SPOCD1: variants seen among roughly 807,000 people sequenced by gnomAD.
The protein encoded by SPOCD1 is SPOC domain-containing protein 1.
In SPOCD1, 64 loss-of-function variants were observed where a neutral mutation model predicts 92.2. That is an observed-to-expected ratio of 0.69 (90% CI 0.57 to 0.86). SPOCD1 has a LOEUF of 0.86. Ranked by LOEUF, SPOCD1 falls within the 40% of genes least tolerant of loss-of-function variation. The pLI, the probability that SPOCD1 is intolerant of heterozygous loss-of-function variation, is 0.00. For synonymous variants in SPOCD1, 578 were observed against 619.3 expected, an observed-to-expected ratio of 0.93 and a Z score of 0.99; for missense variants, 1,360 against 1,543.1, an observed-to-expected ratio of 0.88 and a Z score of 1.99.
rs1649372908 is a variant in SPOCD1 at position 31,814,051 on chromosome 1, C to A, written c.1283G>T (p.Gly428Val). ...RSKGTKNLKK[G>V]PVPCAQDRGT... ...CCGGTCTTGGGCACAGGGCACTGGA[C>A]CTTTCTTCAGGTTCTTAGTGCCCTT... Residue 428 changes from glycine (G) to valine (V), a missense_variant, in exon 2 of 16, where the codon GGT becomes GTT. Transcript: ENST00000360482. This position sits in a 1 kb window ranked among gnomAD's most constrained non-coding sequence, Gnocchi z 4.2. 2.5e-6 allele frequency: 4 copies of A among 1,613,526 alleles called. No individual in the cohort carries two copies. The highest frequency in any genetic ancestry group is 1.7e-5 in the Admixed American group (1 of 59,978).
In SPOCD1 at chr1:31,796,663, G is replaced by A. The variant is rs1557819021; in HGVS notation, c.2198C>T (p.Ser733Phe). Residue 733 changes from serine to phenylalanine, a missense_variant, in exon 10 of 16, where the codon TCC (serine) becomes TTC (phenylalanine). Physicochemically the swap from Ser to Phe is radical, Grantham distance 155 (BLOSUM62 -2). Transcript: ENST00000360482. ...CACTTCGCCCTTGTGGGTCATTTTGGAGGCTGGAAGTCTGCACGGCTCCTT... is the reference window on the plus strand; with the variant it reads ...CACTTCGCCCTTGTGGGTCATTTTGAAGGCTGGAAGTCTGCACGGCTCCTT... ...QQKEPCRLPA[S>F]KMTHKGEVEI... The A allele has an allele frequency of 1.2e-6, 2 of 1,614,234 alleles. No individual in the cohort carries two copies. Among genetic ancestry groups the A allele is most frequent in the Admixed American group, 1.7e-5 (1 of 60,024 alleles).
At chr1:31,795,519 C>T (rs1162221087) in intron 10 of SPOCD1, 10 of 152,174 alleles carry the variant, frequency 6.6e-5, no homozygotes. Context: ...CCTCCCCTCC[C>T]CTCCCACCTC....
chr1:31,801,812 T>C (rs1482121932), intron 2 of SPOCD1, 107 bp from the exon 3 acceptor site: 2 of 954,904 alleles, frequency 2.1e-6, no homozygotes, highest in East Asian at 2.4e-5. Flanking sequence ...GTGTGTTCAG[T>C]GTTCACTGAG....
In SPOCD1 at chr1:31,798,227, G is replaced by A. The variant is rs202136039; in HGVS notation, c.2125C>T (p.Arg709Trp). Residue 709 changes from arginine to tryptophan, a missense_variant, in exon 9 of 16, where the codon CGG becomes TGG. Arg to Trp is a moderately radical substitution (Grantham distance 101). Transcript: ENST00000360482. This position sits in a 1 kb window ranked among gnomAD's most constrained non-coding sequence, Gnocchi z 4.1. ...QLAPQELARW[R>W]DQEEKRGLNI... The stretch of plus-strand genomic sequence containing the variant: ...CTCACCCTTTTCTCCTCCTGGTCCC[G>A]CCAGCGGGCCAGCTCCTGGGGGGCC... 2.4e-5 allele frequency: 38 copies of A among 1,613,742 alleles called. No homozygotes were observed. Among genetic ancestry groups the A allele is most frequent in the East Asian group, 4.5e-5 (2 of 44,882 alleles).
At chr1:31,811,152 A>G (rs190000776) in intron 2 of SPOCD1, among the ~76,000 whole-genome samples, 1 of 152,344 alleles carries the variant, frequency 6.6e-6, no homozygotes, top group East Asian at 1.9e-4. Context: ...ACTCAGATTC[A>G]GAGAAGAGAC....
At chr1:31,805,718 T>C (rs562394592) in intron 2 of SPOCD1, among the ~76,000 whole-genome samples, 1 of 152,134 alleles carries the variant, frequency 6.6e-6, no homozygotes, top group African/African-American at 2.4e-5. Flanking sequence ...AGAGTGAGAC[T>C]GTGTCTCAAA....
chr1:31,810,354 A>ATTTTTTT (rs35691769), intron 2 of SPOCD1, among the ~76,000 whole-genome samples: 12 of 137,932 alleles, frequency 8.7e-5, no homozygotes, highest in African/African-American at 3.2e-4. Flanking sequence ...TTAGTGTTGA[A>ATTTTTTT]TTTTTTTTTT....
intron 1 of SPOCD1, 23 bp from the exon 2 acceptor site, chr1:31,815,395 G>C: frequency 6.7e-7 from 1 of 1,481,854 alleles, no homozygotes; most frequent in Non-Finnish European, 9.0e-7. Context: ...AGAAAGAGGA[G>C]ACTTTGTCTT....
rs777653631 is a variant in SPOCD1, at chr1:31,790,902, G to A, written c.3352C>T (p.Arg1118Cys). ...RGQWPPEPGL[R>C]QSQHPYSVAP... ...ACTGAATAGGGATGCTGGGACTGGC[G>A]CAAGCCTGGCTCTGGGGGCCACTGC... is the stretch of plus-strand genomic sequence containing the variant. The change falls in exon 16 of 16, where the codon CGC (arginine) becomes TGC (cysteine). Residue 1118 changes from arginine to cysteine, a missense_variant. By Grantham distance (180) the Arg-to-Cys change is radical (BLOSUM62 -3). Around this residue, in one of 3 missense-constraint regions of SPOCD1, gnomAD observed 614 missense variants for 757.8 expected, o/e 0.81. Transcript: ENST00000360482. 1.8e-5 allele frequency: 28 copies of A among 1,583,240 alleles called. No individual in the cohort carries two copies. Among genetic ancestry groups the A allele is most frequent in the African/African-American group, 4.1e-5 (3 of 74,024 alleles).
At chr1:31,812,622 CAGTGTT>C (rs1483156575) in intron 2 of SPOCD1, among the ~76,000 whole-genome samples, 1 of 152,324 alleles carries the variant, frequency 6.6e-6, no homozygotes, top group African/African-American at 2.4e-5. Context: ...CTCAGAGCCT[CAGTGTT>C]CAGATCAGTG....
At chr1:31,797,978 A>C (rs1365328495) in intron 9 of SPOCD1, among the ~76,000 whole-genome samples, 4 of 152,004 alleles carry the variant, frequency 2.6e-5, no homozygotes, top group African/African-American at 9.7e-5. Flanking sequence ...AGTGTGTCAC[A>C]TCTCTACCAA....
rs746240344 is a variant in SPOCD1, at chr1:31,791,187, T to C, written c.3067A>G (p.Thr1023Ala). ...CCCAACCAGGGGCTGGACCCTGCTG[T>C]GTCTGGAAGCCCTTCCTTGGGGAGC... ...VLLPKEGLPD[T>A]AGSSPWLGKV... The change falls in exon 16 of 16, where the codon ACA becomes GCA. Residue 1023 changes from threonine (T) to alanine (A), a missense_variant. Transcript: ENST00000360482. The C allele has an allele frequency of 3.1e-6, 5 of 1,611,558 alleles. No individual in the cohort carries two copies. The highest frequency in any genetic ancestry group is 3.4e-6 in the Non-Finnish European group (4 of 1,178,686).
chr1:31,812,230 G>A (rs150613165), intron 2 of SPOCD1, among the ~76,000 whole-genome samples: 2 of 152,280 alleles, frequency 1.3e-5, no homozygotes, highest in Admixed American at 6.5e-5. Context: ...CACTCACCTC[G>A]GTTGTTCAGA....
chr1:31,802,237 T>C (rs1648518367), intron 2 of SPOCD1, among the ~76,000 whole-genome samples: 1 of 152,172 alleles, frequency 6.6e-6, no homozygotes, highest in Non-Finnish European at 1.5e-5. Context: ...TCTATGTGGC[T>C]TATAAAGGGT....
rs368018482 is a variant in SPOCD1 at position 31,800,572 on chromosome 1, C to G, written c.1471G>C (p.Gly491Arg). The change falls in exon 4 of 16, where the codon GGC becomes CGC. Residue 491 changes from glycine to arginine, a missense_variant. Physicochemically the swap from Gly to Arg is moderately radical, Grantham distance 125. Around this residue, in one of 3 missense-constraint regions of SPOCD1, gnomAD observed 606 missense variants for 601.5 expected, o/e 1.01. Coordinates refer to ENST00000360482, the MANE Select transcript of SPOCD1 (RefSeq NM_144569.7). Reference sequence around the variant, plus strand: ...GGTGGCAGCTGCCCCCCTGCCTGGCCGTGGCTGATGGCCCCCAGGAGCTGG... The same window carrying G: ...GGTGGCAGCTGCCCCCCTGCCTGGCGGTGGCTGATGGCCCCCAGGAGCTGG... ...VIQLLGAISH[G>R]QAGGQLPPKL... 1.6e-5 allele frequency: 25 copies of G among 1,610,510 alleles called. No individual in the cohort carries two copies. Among genetic ancestry groups the G allele is most frequent in the Non-Finnish European group, 2.0e-5 (23 of 1,178,674 alleles).
rs1649490230 is a variant in SPOCD1, at chr1:31,815,283, G to A, written c.51C>T (p.Leu17=). 3 of 1,589,060 alleles carry A rather than the reference G, an allele frequency of 1.9e-6. No individual in the cohort carries two copies. Among genetic ancestry groups the A allele is most frequent in the Admixed American group, 1.7e-5 (1 of 58,668 alleles). Residue 17 remains leucine, a synonymous_variant, in exon 2 of 16, where the codon CTC becomes CTT. Coordinates refer to ENST00000360482, the MANE Select transcript of SPOCD1 (RefSeq NM_144569.7). ...AAAGCTCACAGTTGTGTTGGGGACT[G>A]AGCACAGGGTCTCCTGTGCTGGGGC... is the stretch of plus-strand genomic sequence containing the variant. The part of the protein sequence containing the change: ...VEGPSTGDPV[L]SPQHNCELLQ...
Position 31,810,182 on chromosome 1 carries a change from G to A in SPOCD1, c.1383+3769C>T, listed in dbSNP as rs142653378. ...CCACTAGACTGTAAGATCCCTGGAC[G>A]AGCCCCCTCCTTGTTCAACAAATTA... On this transcript the variant is annotated intron_variant, in intron 2 of 15. Transcript: ENST00000360482. Among the ~76,000 whole-genome samples, 668 of 152,044 alleles carry A rather than the reference G, an allele frequency of 4.4e-3. 5 individuals are homozygous for A. The Middle Eastern group carries it at 0.048, about 11-fold the overall frequency.
At chr1:31,791,467 G>C in intron 15 of SPOCD1, 176 bp from the exon 16 acceptor site, 1 of 494,778 alleles carries the variant, frequency 2.0e-6, no homozygotes, top group Non-Finnish European at 3.5e-6. Context: ...GCTGAGGCTG[G>C]GGTATGGATT....
rs112754928 is a variant in SPOCD1 at position 31,815,123 on chromosome 1, G to T, written c.211C>A (p.Arg71=). The T allele has an allele frequency of 6.8e-6, 11 of 1,609,364 alleles. No individual in the cohort carries two copies. The highest frequency in any genetic ancestry group is 9.3e-6 in the Non-Finnish European group (11 of 1,176,670). Residue 71 remains arginine, a synonymous_variant, in exon 2 of 16, where the codon CGG becomes AGG. Transcript: ENST00000360482. The stretch of plus-strand genomic sequence containing the variant: ...CGGACCTCAGCAGCACCTGCAGCCC[G>T]GGAGCTGCCACCTCGAAGGGCCTCC... The part of the protein sequence containing the change: ...RKEALRGGSS[R]AAGAAEVRPG...
Sources: gnomAD v4.1 joint callset for allele counts (sites outside exome capture counted in the v4.1 genomes callset) on GRCh38, gnomAD v4.1.1 for gene constraint, gnomAD v4.1.1 regional missense constraint, Gnocchi (gnomAD v3.1) non-coding constraint, MANE v1.5 for transcripts, NCBI Gene and HGNC (gene_info 2026-07-23, HGNC 2026-07-21) for gene names.